TGFB3: variants seen among roughly 807,000 people sequenced by gnomAD.
TGFB3 encodes transforming growth factor beta-3 proprotein.
Under a neutral mutation model 40.1 loss-of-function variants are expected in TGFB3, and 5 were observed. The ratio of observed to expected loss-of-function variants is 0.12; its 90% CI spans 0.07 to 0.26. TGFB3 has a LOEUF of 0.26. Ranked by LOEUF, TGFB3 falls within the 10% of genes least tolerant of loss-of-function variation. The pLI is 1.00. For missense variants in TGFB3, 373 were observed against 530.1 expected (o/e 0.70, Z 2.91); for synonymous variants, 184 against 205.6 (o/e 0.89, Z 0.90).
intron 3 of TGFB3, chr14:75,970,849 A>C: frequency 4.8e-6 from 2 of 417,476 alleles, no homozygotes; most frequent in African/African-American, 2.0e-5. Context: ...TCTTCATCAT[A>C]GAGACCTTCC....
At chr14:75,969,930 G>T (rs1214750241) in intron 3 of TGFB3, among the ~76,000 whole-genome samples, 2 of 152,198 alleles carry the variant, frequency 1.3e-5, no homozygotes, top group African/African-American at 4.8e-5. Flanking sequence ...TCTCGGCCTA[G>T]ATATTGCTCT....
chr14:75,969,690 A>G (rs2035264745), intron 3 of TGFB3, among the ~76,000 whole-genome samples: 1 of 152,160 alleles, frequency 6.6e-6, no homozygotes. Flanking sequence ...GGATAGCTCT[A>G]CTTGCATGAC....
At chr14:75,976,647 A>G (rs1451050980) in intron 1 of TGFB3, among the ~76,000 whole-genome samples, 2 of 152,126 alleles carry the variant, frequency 1.3e-5, no homozygotes, top group African/African-American at 4.8e-5. Context: ...ACAGTCCTCA[A>G]TGCAAAACCC....
chr14:75,976,251 A>T (rs916761752), intron 1 of TGFB3, among the ~76,000 whole-genome samples: 6 of 152,164 alleles, frequency 3.9e-5, no homozygotes, highest in Non-Finnish European at 8.8e-5. Context: ...GAAAGCTTTA[A>T]AAACAAATGA....
chr14:75,958,487 C>A lies in TGFB3; in HGVS notation c.*700G>T, dbSNP rs1360842430. ...TGAGAGGAGGGACCCAGAGGGCAGA[C>A]AGGAGAGGGTTGATTTCCACCCTTT... is the stretch of plus-strand genomic sequence containing the variant. On this transcript the variant is annotated 3_prime_UTR_variant, in exon 7 of 7. Coordinates refer to ENST00000238682, the MANE Select transcript of TGFB3 (RefSeq NM_003239.5). 1.3e-5 allele frequency: 2 copies of A among 154,026 alleles called. No homozygotes were observed. Among genetic ancestry groups the A allele is most frequent in the Non-Finnish European group, 2.9e-5 (2 of 69,288 alleles). The allele number at this position is 154,026 out of a possible 1,614,324, so 9.5% of individuals were successfully genotyped here.
intron 3 of TGFB3, among the ~76,000 whole-genome samples, chr14:75,968,822 G>A (rs896250713): frequency 6.6e-6 from 1 of 152,166 alleles, no homozygotes; most frequent in Non-Finnish European, 1.5e-5. Context: ...TCTCATTTAT[G>A]TGACTTGCCT....
chr14:75,975,781 G>T (rs1283559389), intron 1 of TGFB3, among the ~76,000 whole-genome samples: 1 of 152,178 alleles, frequency 6.6e-6, no homozygotes, highest in Non-Finnish European at 1.5e-5. Flanking sequence ...GGTGAAGATG[G>T]TTTCATCAAC....
In TGFB3 at chr14:75,980,958, G is replaced by T; in HGVS notation, c.-65C>A. The T allele has an allele frequency of 6.7e-7, 1 of 1,488,710 alleles. No homozygotes were observed. Among genetic ancestry groups the T allele is most frequent in the East Asian group, 2.3e-5 (1 of 44,284 alleles). 92.2% of individuals were successfully genotyped at this position (1,488,710 alleles called of 1,614,324 possible). The stretch of plus-strand genomic sequence containing the variant: ...TGGAGAGGAAGAGACCCCAGCAGAC[G>T]TGCAGAAGGAGGGAGGAAAACCAGG... On this transcript the variant is annotated 5_prime_UTR_variant, in exon 1 of 7. Coordinates refer to ENST00000238682, the MANE Select transcript of TGFB3 (RefSeq NM_003239.5). The surrounding 1 kb of genome is among the most constrained non-coding windows in gnomAD (Gnocchi z 4.3).
chr14:75,965,204 G>A (rs1167797481), intron 4 of TGFB3, among the ~76,000 whole-genome samples: 1 of 152,164 alleles, frequency 6.6e-6, no homozygotes, highest in Non-Finnish European at 1.5e-5. Flanking sequence ...TTTTAGGGAG[G>A]AGGAAGACAA....
Position 75,971,708 on chromosome 14 carries a change from A to G in TGFB3, c.363T>C (p.Ala121=). 6.2e-7 allele frequency: 1 copy of G among 1,614,230 alleles called. No individual in the cohort carries two copies. Among genetic ancestry groups the G allele is most frequent in the Non-Finnish European group, 8.5e-7 (1 of 1,180,036 alleles). Residue 121 remains alanine (A), a synonymous_variant, in exon 2 of 7, where the codon GCT becomes GCC. Transcript: ENST00000238682. The surrounding 1 kb of genome is among the most constrained non-coding windows in gnomAD (Gnocchi z 4.5). The part of the protein sequence containing the change: ...IQGLAEHNEL[A]VCPKGITSKV... ...TGGAGGTAATTCCTTTAGGGCAGAC[A>G]GCCAGTTCGTCTAGGAGATAAAGCA...
intron 3 of TGFB3, chr14:75,965,976 T>G: frequency 2.2e-6 from 1 of 450,840 alleles, no homozygotes; most frequent in Non-Finnish European, 4.1e-6. Flanking sequence ...TCATTCCCTT[T>G]GAAAGGATGG....
At chr14:75,962,397 T>C (rs2140237181) in intron 5 of TGFB3, among the ~76,000 whole-genome samples, 1 of 152,336 alleles carries the variant, frequency 6.6e-6, no homozygotes, top group East Asian at 1.9e-4. Context: ...TTCCCCCAAC[T>C]GAACATCCCT....
At chr14:75,970,754 C>A (rs1448569581) in intron 3 of TGFB3, 2 of 332,260 alleles carry the variant, frequency 6.0e-6, no homozygotes, top group Admixed American at 8.3e-5. Flanking sequence ...AGGGCCTGGG[C>A]CTCCCTGTTG....
At chr14:75,960,877 G>C (rs1215450403) in intron 6 of TGFB3, 46 bp downstream of exon 6, 8 of 1,612,768 alleles carry the variant, frequency 5.0e-6, no homozygotes, top group Non-Finnish European at 5.9e-6. Context: ...CAAGTGGTCT[G>C]GTCGGTCAGC....
In TGFB3 at chr14:75,971,331, G is replaced by T. The variant is rs1488847985; in HGVS notation, c.517-76C>A. 1.2e-6 allele frequency: 2 copies of T among 1,608,376 alleles called. No homozygotes were observed. The highest frequency in any genetic ancestry group is 1.7e-4 in the Middle Eastern group (1 of 5,842). On this transcript the variant is annotated intron_variant, in intron 2 of 6. Coordinates refer to ENST00000238682, the MANE Select transcript of TGFB3 (RefSeq NM_003239.5). This position sits in a 1 kb window ranked among gnomAD's most constrained non-coding sequence, Gnocchi z 4.5. ...AGAAGATGTCACAATGCAGAGCACA[G>T]GTGAGGGAGCGATAGGAAACCAGTG... is the stretch of plus-strand genomic sequence containing the variant.
rs2035119755 is a variant in TGFB3 at position 75,958,995 on chromosome 14, T to C, written c.*192A>G. 5.8e-6 allele frequency: 4 copies of C among 693,296 alleles called. No homozygotes were observed. In the Admixed American group the frequency reaches 8.6e-5, roughly 15 times the overall value. 42.9% of individuals were successfully genotyped at this position (693,296 alleles called of 1,614,324 possible). On this transcript the variant is annotated 3_prime_UTR_variant, in exon 7 of 7. Coordinates refer to ENST00000238682, the MANE Select transcript of TGFB3 (RefSeq NM_003239.5). ...CCTCTAACCAAACCCACACTTTCTTTACCACCGTGATTCTCAGAGCCAGCA... is the reference window on the plus strand; with the variant it reads ...CCTCTAACCAAACCCACACTTTCTTCACCACCGTGATTCTCAGAGCCAGCA...
intron 1 of TGFB3, among the ~76,000 whole-genome samples, chr14:75,974,399 C>T (rs919251146): frequency 2.0e-5 from 3 of 152,000 alleles, no homozygotes; most frequent in African/African-American, 7.2e-5. Context: ...ATATAGATTT[C>T]CCATGATTAG....
At chr14:75,963,743 T>C (rs1334354659) in intron 4 of TGFB3, among the ~76,000 whole-genome samples, 2 of 152,184 alleles carry the variant, frequency 1.3e-5, no homozygotes, top group Non-Finnish European at 2.9e-5. Context: ...CAGATCCCCA[T>C]ACCCTTGTAT....
At chr14:75,962,187 T>G (rs2035165446) in intron 5 of TGFB3, among the ~76,000 whole-genome samples, 2 of 152,130 alleles carry the variant, frequency 1.3e-5, no homozygotes, top group African/African-American at 4.8e-5. Flanking sequence ...ACCCTAACCC[T>G]GCTGCTACAG....
Sources: allele counts gnomAD v4.1 joint callset (sites outside exome capture counted in the v4.1 genomes callset), GRCh38; gene constraint gnomAD v4.1.1; non-coding constraint Gnocchi (gnomAD v3.1); transcripts MANE v1.5; gene names NCBI Gene and HGNC (gene_info 2026-07-23, HGNC 2026-07-21).